Variants in ADCY2 observed in about 807,000 individuals in gnomAD.
ADCY2 encodes adenylate cyclase 2, also known as adenylate cyclase type 2.
A neutral mutation model predicts 125.2 loss-of-function variants in ADCY2; 31 were observed. That is an observed-to-expected ratio of 0.25 (90% CI 0.19 to 0.33). ADCY2 has a LOEUF of 0.33. ADCY2 is among the 10% of genes least tolerant of loss of function. The probability of loss-of-function intolerance (pLI) is 1.00; values close to 1 mark genes in which losing one functional copy is unlikely to be tolerated. For missense variants in ADCY2, 904 were observed against 1,418.2 expected, an observed-to-expected ratio of 0.64 and a Z score of 5.82; for synonymous variants, 512 against 548.4, an observed-to-expected ratio of 0.93 and a Z score of 0.93.
chr5:7,757,194 T>C (rs1743020724), intron 15 of ADCY2, among the ~76,000 whole-genome samples: 1 of 152,222 alleles, frequency 6.6e-6, no homozygotes, highest in African/African-American at 2.4e-5. Flanking sequence ...TAATTTCAGG[T>C]CTGTTTTAAA....
Position 7,784,345 on chromosome 5 carries a change from G to A in ADCY2, c.2385-20G>A. On this transcript the variant is annotated intron_variant, in intron 18 of 24. Coordinates refer to ENST00000338316, the MANE Select transcript of ADCY2 (RefSeq NM_020546.3). ...TGTTTTGTTGCATTGTTGTCTGTTT[G>A]TCTGTCTGTTTTTTAATAGACCAGG... is the stretch of plus-strand genomic sequence containing the variant. The A allele has an allele frequency of 6.3e-7, 1 of 1,583,576 alleles. No homozygotes were observed. The highest frequency in any genetic ancestry group is 8.7e-7 in the Non-Finnish European group (1 of 1,152,926).
chr5:7,557,897 A>T (rs544676054), intron 3 of ADCY2, among the ~76,000 whole-genome samples: 158 of 152,130 alleles, frequency 1.0e-3, no homozygotes, highest in Non-Finnish European at 1.5e-3. Context: ...CAGTAATGGG[A>T]TTGCTAGGTC....
intron 2 of ADCY2, among the ~76,000 whole-genome samples, chr5:7,432,307 G>A (rs962915177): frequency 6.6e-6 from 1 of 152,090 alleles, no homozygotes; most frequent in Non-Finnish European, 1.5e-5. Context: ...AAGAATGTGT[G>A]TGTGGGTGCA....
chr5:7,644,096 A>G (rs951661452), intron 4 of ADCY2, among the ~76,000 whole-genome samples: 9 of 152,148 alleles, frequency 5.9e-5, no homozygotes, highest in African/African-American at 2.2e-4. Context: ...ATATCTCACA[A>G]ATAGTGTCTT....
intron 14 of ADCY2, among the ~76,000 whole-genome samples, chr5:7,736,825 A>G (rs1334220279): frequency 1.3e-5 from 2 of 152,164 alleles, no homozygotes; most frequent in Non-Finnish European, 2.9e-5. Flanking sequence ...AATAAACCTT[A>G]TGATTTGTTA....
At chr5:7,707,489 A>G (rs1741300816) in intron 8 of ADCY2, among the ~76,000 whole-genome samples, 1 of 152,226 alleles carries the variant, frequency 6.6e-6, no homozygotes, top group Non-Finnish European at 1.5e-5. Context: ...CCCACCATGC[A>G]GGTTTCGGTG....
At chr5:7,668,984 A>C (rs909575469) in intron 4 of ADCY2, among the ~76,000 whole-genome samples, 1 of 152,210 alleles carries the variant, frequency 6.6e-6, no homozygotes, top group Non-Finnish European at 1.5e-5. Context: ...TCTATATTGA[A>C]ATGTGCCTGG....
chr5:7,731,967 A>G (rs752563937), intron 14 of ADCY2, among the ~76,000 whole-genome samples: 12 of 152,184 alleles, frequency 7.9e-5, no homozygotes, highest in Non-Finnish European at 1.2e-4. Context: ...CATTTAGTCT[A>G]TCTGTTAAGT....
In ADCY2 at chr5:7,766,713, A is replaced by G; in HGVS notation, c.2121A>G (p.Thr707=). 6.2e-7 allele frequency: 1 copy of G among 1,612,592 alleles called. No homozygotes were observed. ...TTTTCCTGAGTGACTCAGAGGAAAC[A>G]ATCCCTCCAACTGCCAACACAACAA... ...NMFFLSDSEE[T]IPPTANTTNT... is the part of the protein sequence containing the mutation. The change falls in exon 17 of 25, where the codon ACA becomes ACG. Residue 707 remains threonine, a synonymous_variant. Coordinates refer to ENST00000338316, the MANE Select transcript of ADCY2 (RefSeq NM_020546.3).
At chr5:7,464,934 A>T (rs1046254457) in intron 2 of ADCY2, among the ~76,000 whole-genome samples, 1 of 152,212 alleles carries the variant, frequency 6.6e-6, no homozygotes, top group East Asian at 1.9e-4. Flanking sequence ...CCACAGTTCT[A>T]TGTGGCTATG....
Position 7,614,390 on chromosome 5 carries a change from A to G in ADCY2, c.571-11777A>G, listed in dbSNP as rs192924076. ...CTTCTTGGTTCACCTTTCTGTCTGTATAAAATTTCATTACAGAATTCCCAA... is the reference window on the plus strand; with the variant it reads ...CTTCTTGGTTCACCTTTCTGTCTGTGTAAAATTTCATTACAGAATTCCCAA... On this transcript the variant is annotated intron_variant, in intron 3 of 24. Transcript: ENST00000338316. Among the ~76,000 whole-genome samples the G allele has an allele frequency of 3.0e-3, 460 of 152,190 alleles. 1 individual carries two copies. The highest frequency in any genetic ancestry group is 5.7e-3 in the Admixed American group (87 of 15,288).
chr5:7,767,110 A>T (rs1456636669), intron 17 of ADCY2, among the ~76,000 whole-genome samples: 1 of 152,212 alleles, frequency 6.6e-6, no homozygotes, highest in African/African-American at 2.4e-5. Context: ...TTCAATTATA[A>T]GGCACTATGT....
At position 7,717,220 on chromosome 5, in the gene ADCY2, T is replaced by A. The variant is rs1741617446; in HGVS notation, c.1686T>A (p.Asp562Glu). 1 of 1,608,242 alleles carries A rather than the reference T, an allele frequency of 6.2e-7. No individual in the cohort carries two copies. The highest frequency in any genetic ancestry group is 2.2e-5 in the East Asian group (1 of 44,724). Residue 562 changes from aspartate to glutamate, a missense_variant, in exon 12 of 25, where the codon GAT becomes GAA. Transcript: ENST00000338316. ...ATGAAAGGATGATTCAAGCAATTGA[T>A]GGGATTAATGCACAGAAGTGAGTAC... Reference protein sequence around the residue: ...ELNERMIQAIDGINAQKQWLK... With the variant: ...ELNERMIQAIEGINAQKQWLK...
intron 23 of ADCY2, among the ~76,000 whole-genome samples, chr5:7,819,448 T>TA (rs1179588072): frequency 6.6e-6 from 1 of 152,232 alleles, no homozygotes; most frequent in African/African-American, 2.4e-5. Flanking sequence ...TTTCCTGGTC[T>TA]AGACTTCAGT....
intron 19 of ADCY2, among the ~76,000 whole-genome samples, chr5:7,787,581 A>G (rs190417534): frequency 1.5e-4 from 23 of 152,322 alleles, no homozygotes; most frequent in Non-Finnish European, 3.4e-4. Flanking sequence ...CTAATGTGCC[A>G]GCTACTTACA....
chr5:7,488,820 C>T lies in ADCY2; in HGVS notation c.409-31918C>T, dbSNP rs573896813. ...GAATCCCAAAGCCCCTCGTCAGTGCCCAGCCCACAACACCAAGATTCCTGG... is the reference window on the plus strand; with the variant it reads ...GAATCCCAAAGCCCCTCGTCAGTGCTCAGCCCACAACACCAAGATTCCTGG... On this transcript the variant is annotated intron_variant, in intron 2 of 24. Coordinates refer to ENST00000338316, the MANE Select transcript of ADCY2 (RefSeq NM_020546.3). 2.6e-5 allele frequency among the ~76,000 whole-genome samples: 4 copies of T among 152,212 alleles called. No individual in the cohort carries two copies. In the East Asian group the frequency reaches 7.8e-4, roughly 30 times the overall value.
In ADCY2 at chr5:7,690,825, G is replaced by A; in HGVS notation, c.855G>A (p.Arg285=). Residue 285 remains arginine (R), a synonymous_variant, in exon 5 of 25, where the codon CGG becomes CGA. Coordinates refer to ENST00000338316, the MANE Select transcript of ADCY2 (RefSeq NM_020546.3). ...TNNFHNLYVK[R]HTNVSILYAD... Reference sequence around the variant, plus strand: ...ACTTCCACAACCTGTATGTGAAGCGGCATACAAACGTGAGGTACGACGCTA... The same window carrying A: ...ACTTCCACAACCTGTATGTGAAGCGACATACAAACGTGAGGTACGACGCTA... 3 of 1,591,474 alleles carry A rather than the reference G, an allele frequency of 1.9e-6. No individual in the cohort carries two copies. The highest frequency in any genetic ancestry group is 2.6e-6 in the Non-Finnish European group (3 of 1,170,734).
chr5:7,471,309 T>C (rs1370325759), intron 2 of ADCY2, among the ~76,000 whole-genome samples: 1 of 151,962 alleles, frequency 6.6e-6, no homozygotes, highest in African/African-American at 2.4e-5. Flanking sequence ...CTATTTGTTC[T>C]TTATGTTCGT....
intron 2 of ADCY2, among the ~76,000 whole-genome samples, chr5:7,427,441 C>T (rs775267821): frequency 4.6e-5 from 7 of 152,248 alleles, no homozygotes; most frequent in Non-Finnish European, 5.9e-5. Context: ...AAGACAGCAG[C>T]AGGGAGAAGT....
Sources: allele counts gnomAD v4.1 joint callset (sites outside exome capture counted in the v4.1 genomes callset), GRCh38; gene constraint gnomAD v4.1.1; transcripts MANE v1.5; gene names NCBI Gene and HGNC (gene_info 2026-07-23, HGNC 2026-07-21).